CNBD1: variants seen among roughly 807,000 people sequenced by gnomAD.
The protein encoded by CNBD1 is cyclic nucleotide binding domain containing 1.
A neutral mutation model predicts 54.4 loss-of-function variants in CNBD1; 71 were observed. The ratio of observed to expected loss-of-function variants is 1.30; its 90% CI spans 1.08 to 1.59. CNBD1 has a LOEUF of 1.59. CNBD1 is among the 40% of genes most tolerant of loss of function. The probability of loss-of-function intolerance (pLI) is 0.00; values close to 1 mark genes in which losing one functional copy is unlikely to be tolerated. For missense variants in CNBD1, 659 were observed against 518.0 expected, an observed-to-expected ratio of 1.27 and a Z score of -2.64; for synonymous variants, 182 against 170.7, an observed-to-expected ratio of 1.07 and a Z score of -0.51.
At chr8:87,391,009 C>T (rs1410870727) in intron 2 of CNBD1, among the ~76,000 whole-genome samples, 1 of 151,086 alleles carries the variant, frequency 6.6e-6, no homozygotes, top group Non-Finnish European at 1.5e-5. Context: ...CCAAACACCG[C>T]ATGTTCTCAC....
intron 4 of CNBD1, among the ~76,000 whole-genome samples, chr8:87,150,782 CAG>C (rs1326111599): frequency 6.6e-6 from 1 of 152,150 alleles, no homozygotes; most frequent in Non-Finnish European, 1.5e-5. Context: ...TACTCCCAAA[CAG>C]AGACTAGCAG....
chr8:87,026,943 C>T (rs1809660398), intron 4 of CNBD1, among the ~76,000 whole-genome samples: 1 of 152,020 alleles, frequency 6.6e-6, no homozygotes, highest in Admixed American at 6.6e-5. Context: ...AACATAACAC[C>T]CGGACAAAAA....
At chr8:87,153,133 G>A (rs1298690327) in intron 4 of CNBD1, among the ~76,000 whole-genome samples, 1 of 152,060 alleles carries the variant, frequency 6.6e-6, no homozygotes, top group African/African-American at 2.4e-5. Flanking sequence ...TCTGCTTGTT[G>A]ATGACTTTCC....
intron 3 of CNBD1, among the ~76,000 whole-genome samples, chr8:86,907,858 AG>A (rs1283454289): frequency 6.6e-6 from 1 of 152,194 alleles, no homozygotes; most frequent in Non-Finnish European, 1.5e-5. Context: ...AAATTTTTAA[AG>A]GAATAAAACT....
intron 4 of CNBD1, among the ~76,000 whole-genome samples, chr8:87,103,565 C>T (rs149768316): frequency 1.4e-4 from 21 of 151,996 alleles, no homozygotes; most frequent in Non-Finnish European, 2.9e-4. Flanking sequence ...CAAATATGTC[C>T]TTCTTCACAT....
intron 3 of CNBD1, among the ~76,000 whole-genome samples, chr8:86,936,374 A>G (rs912856972): frequency 6.6e-5 from 10 of 152,186 alleles, no homozygotes; most frequent in African/African-American, 2.4e-4. Context: ...TACAAGTAAC[A>G]TGACAATACA....
intron 4 of CNBD1, among the ~76,000 whole-genome samples, chr8:87,063,607 C>T (rs2130642688): frequency 6.6e-6 from 1 of 152,094 alleles, no homozygotes; most frequent in South Asian, 2.1e-4. Context: ...GTTCTGGACC[C>T]TCGAATCACT....
intron 2 of CNBD1, among the ~76,000 whole-genome samples, chr8:87,410,621 C>T (rs915764119): frequency 1.3e-5 from 2 of 152,090 alleles, no homozygotes; most frequent in African/African-American, 4.8e-5. Context: ...CTTAGTGAAG[C>T]AATGACAGGA....
chr8:87,246,998 A>C (rs961853843), intron 6 of CNBD1, among the ~76,000 whole-genome samples: 4 of 152,074 alleles, frequency 2.6e-5, no homozygotes, highest in African/African-American at 9.7e-5. Context: ...TATGTTGCCT[A>C]TGTCCAGTCT....
intron 3 of CNBD1, 88 bp downstream of exon 3, chr8:86,905,282 T>C (rs1432262684): frequency 1.4e-6 from 1 of 736,614 alleles, no homozygotes; most frequent in African/African-American, 1.8e-5. Context: ...ACTGAAAATA[T>C]TTGACCAGTT....
intron 10 of CNBD1, among the ~76,000 whole-genome samples, chr8:87,364,260 G>A (rs1448027635): frequency 1.3e-5 from 2 of 151,356 alleles, no homozygotes; most frequent in African/African-American, 4.8e-5. Flanking sequence ...CATCTAATGT[G>A]TGGAAAAGAT....
At chr8:87,331,207 C>T (rs1335236449) in intron 8 of CNBD1, among the ~76,000 whole-genome samples, 2 of 152,138 alleles carry the variant, frequency 1.3e-5, no homozygotes, top group African/African-American at 4.8e-5. Context: ...CTGAGGCTTT[C>T]CCACCCCTTG....
chr8:87,266,840 C>T (rs1416854310), intron 6 of CNBD1, among the ~76,000 whole-genome samples: 1 of 152,002 alleles, frequency 6.6e-6, no homozygotes, highest in African/African-American at 2.4e-5. Flanking sequence ...GTTATACAGA[C>T]AGAAAAGATA....
At chr8:87,349,649 A>G (rs1307997028) in intron 8 of CNBD1, among the ~76,000 whole-genome samples, 1 of 152,214 alleles carries the variant, frequency 6.6e-6, no homozygotes, top group Non-Finnish European at 1.5e-5. Context: ...TGCTGGGATT[A>G]CAGGCGTGAG....
At chr8:87,336,811 T>A (rs1809952958) in intron 8 of CNBD1, among the ~76,000 whole-genome samples, 1 of 152,202 alleles carries the variant, frequency 6.6e-6, no homozygotes, top group Admixed American at 6.5e-5. Context: ...TTTCATTGAT[T>A]CTTTCTCATC....
Position 87,304,394 on chromosome 8 carries a change from C to A in CNBD1, c.1042+17723C>A, listed in dbSNP as rs919270513. 7.9e-5 allele frequency among the ~76,000 whole-genome samples: 12 copies of A among 152,088 alleles called. No individual in the cohort carries two copies. In the South Asian group the frequency reaches 1.2e-3, roughly 16 times the overall value. On this transcript the variant is annotated intron_variant, in intron 8 of 10. Coordinates refer to ENST00000518476, the MANE Select transcript of CNBD1 (RefSeq NM_173538.3). ...AGCAAACTATCACAAGGACAAAAAA[C>A]CAAACACTGCATGTTCTCACTCATA...
chr8:86,952,476 T>A (rs1807650527), intron 4 of CNBD1, among the ~76,000 whole-genome samples: 1 of 152,062 alleles, frequency 6.6e-6, no homozygotes, highest in African/African-American at 2.4e-5. Context: ...GAATGGAGAA[T>A]AAAATTTTTC....
intron 4 of CNBD1, among the ~76,000 whole-genome samples, chr8:87,181,001 T>C (rs1813299989): frequency 6.6e-6 from 1 of 152,160 alleles, no homozygotes; most frequent in African/African-American, 2.4e-5. Context: ...GCTTTGAATT[T>C]CTCCACTCTG....
rs1006950196 is a variant in CNBD1, at chr8:87,382,770, A to G, written c.*143A>G. 2.0e-6 allele frequency: 1 copy of G among 498,712 alleles called. No individual in the cohort carries two copies. Among genetic ancestry groups the G allele is most frequent in the South Asian group, 4.9e-5 (1 of 20,606 alleles). 30.9% of individuals were successfully genotyped at this position (498,712 alleles called of 1,614,324 possible). A position where few individuals can be genotyped will look rare whatever the true frequency, so the allele number is the denominator to read the frequency against. On this transcript the variant is annotated 3_prime_UTR_variant, in exon 11 of 11. Transcript: ENST00000518476. ...ATCCTGGATTCCCCAGGAAAGTCCC[A>G]CTTTCGAATTGCCTTTCAAACACAG...
Sources: allele counts gnomAD v4.1 joint callset (sites outside exome capture counted in the v4.1 genomes callset), GRCh38; gene constraint gnomAD v4.1.1; transcripts MANE v1.5; gene names NCBI Gene and HGNC (gene_info 2026-07-23, HGNC 2026-07-21).